The following DNAJC6 variants were observed in gnomAD, a reference collection of about 807,000 sequenced individuals.
The protein encoded by DNAJC6 is DnaJ heat shock protein family (Hsp40) member C6, also known as auxilin.
Under a neutral mutation model 110.0 loss-of-function variants are expected in DNAJC6, and 34 were observed. That is an observed-to-expected ratio of 0.31 (90% CI 0.24 to 0.41). DNAJC6 has a LOEUF of 0.41. Ranked by LOEUF, DNAJC6 falls within the 10% of genes least tolerant of loss-of-function variation. The pLI, the probability that DNAJC6 is intolerant of heterozygous loss-of-function variation, is 1.00. For synonymous variants in DNAJC6, 406 were observed against 437.2 expected (o/e 0.93, Z 0.89); for missense variants, 1,031 against 1,207.8 (o/e 0.85, Z 2.17).
At chr1:65,350,537 A>T (rs907141666) in intron 1 of DNAJC6, among the ~76,000 whole-genome samples, 3 of 152,172 alleles carry the variant, frequency 2.0e-5, no homozygotes, top group Non-Finnish European at 4.4e-5. Flanking sequence ...TTGTATGATA[A>T]ACATTGTGAT....
intron 15 of DNAJC6, among the ~76,000 whole-genome samples, chr1:65,402,499 A>G (rs1367885452): frequency 6.6e-6 from 1 of 151,970 alleles, no homozygotes; most frequent in East Asian, 1.9e-4. Context: ...CACAGTATCC[A>G]GAGTTCTCAA....
At chr1:65,282,970 A>C (rs924695079) in intron 1 of DNAJC6, among the ~76,000 whole-genome samples, 20 of 152,310 alleles carry the variant, frequency 1.3e-4, no homozygotes, top group South Asian at 8.3e-4. Flanking sequence ...GACTTAAGAA[A>C]ACTTTTTATT....
chr1:65,288,891 T>A (rs1254242646), intron 1 of DNAJC6, among the ~76,000 whole-genome samples: 1 of 152,260 alleles, frequency 6.6e-6, no homozygotes, highest in Non-Finnish European at 1.5e-5. Flanking sequence ...GGGAATATAC[T>A]AATTTAGTTT....
At chr1:65,267,338 C>T (rs955247177) in intron 1 of DNAJC6, among the ~76,000 whole-genome samples, 1 of 152,094 alleles carries the variant, frequency 6.6e-6, no homozygotes, top group Non-Finnish European at 1.5e-5. Context: ...GTTTCTTTAT[C>T]GCTAAAATGG....
At chr1:65,407,419 C>T (rs1174463745) in intron 16 of DNAJC6, among the ~76,000 whole-genome samples, 1 of 152,118 alleles carries the variant, frequency 6.6e-6, no homozygotes, top group African/African-American at 2.4e-5. Context: ...TGACACAGAT[C>T]GATGAAGTAA....
At chr1:65,348,536 C>T (rs990959234) in intron 1 of DNAJC6, among the ~76,000 whole-genome samples, 20 of 152,080 alleles carry the variant, frequency 1.3e-4, no homozygotes, top group African/African-American at 4.8e-4. Flanking sequence ...TTCCTTAACT[C>T]TGTAATATTG....
chr1:65,406,138 G>C lies in DNAJC6; in HGVS notation c.2491+5G>C, dbSNP rs1238105650. On this transcript the variant is annotated splice_donor_5th_base_variant and intron_variant, in intron 16 of 18. Transcript: ENST00000371069. The stretch of plus-strand genomic sequence containing the variant: ...GGAAAGGATCAAGTAATTTGGGTAA[G>C]GATAATGGTATGGGACCTAGCTATG... The C allele has an allele frequency of 3.5e-5, 57 of 1,612,252 alleles. No homozygotes were observed. The highest frequency in any genetic ancestry group is 8.3e-5 in the Admixed American group (5 of 59,930).
At chr1:65,307,018 C>CTCTCTA (rs1465563773), upstream of DNAJC6, among the ~76,000 whole-genome samples, 62 of 70,690 alleles carry the variant, frequency 8.8e-4, no homozygotes, top group African/African-American at 2.8e-3. Context: ...CTCTCTCTCT[C>CTCTCTA]TATATATATA....
intron 5 of DNAJC6, 125 bp from the exon 6 acceptor site, chr1:65,384,068 G>T: frequency 8.2e-7 from 1 of 1,214,792 alleles, no homozygotes; most frequent in Admixed American, 3.1e-5. Flanking sequence ...ATTTTTAAAT[G>T]AAAAGCACCC....
chr1:65,385,646 C>CA (rs1394964914), intron 6 of DNAJC6, 66 bp from the exon 7 acceptor site: 1 of 1,344,118 alleles, frequency 7.4e-7, no homozygotes, highest in Non-Finnish European at 9.8e-7. Context: ...ATCTTCATAG[C>CA]AAATATTGAT....
intron 18 of DNAJC6, 100 bp from the exon 19 acceptor site, chr1:65,412,824 C>T: frequency 1.0e-6 from 1 of 1,000,044 alleles, no homozygotes; most frequent in Non-Finnish European, 1.5e-6. Context: ...AATAGAAAAA[C>T]ATTTCCATTG....
At chr1:65,279,133 T>G in intron 1 of DNAJC6, 1 of 985,452 alleles carries the variant, frequency 1.0e-6, no homozygotes, top group Non-Finnish European at 1.2e-6. Context: ...GTATGTTTGA[T>G]CCTCTTTTAA....
At chr1:65,341,197 C>T (rs989930103) in intron 1 of DNAJC6, among the ~76,000 whole-genome samples, 7 of 152,196 alleles carry the variant, frequency 4.6e-5, no homozygotes, top group Non-Finnish European at 1.0e-4. Flanking sequence ...AGACCGATAC[C>T]AGACACCAAA....
At chr1:65,287,137 A>T (rs1360524050) in intron 1 of DNAJC6, among the ~76,000 whole-genome samples, 1 of 152,218 alleles carries the variant, frequency 6.6e-6, no homozygotes, top group Non-Finnish European at 1.5e-5. Context: ...TGAATGAAAG[A>T]ATAGGGTAGA....
At chr1:65,283,902 A>G (rs931003857) in intron 1 of DNAJC6, among the ~76,000 whole-genome samples, 13 of 152,132 alleles carry the variant, frequency 8.5e-5, no homozygotes, top group Admixed American at 7.9e-4. Context: ...CCAAACAAAT[A>G]TGTTAAGTTT....
intron 1 of DNAJC6, among the ~76,000 whole-genome samples, chr1:65,321,460 A>G (rs939728782): frequency 2.0e-5 from 3 of 152,108 alleles, no homozygotes; most frequent in African/African-American, 7.2e-5. Context: ...GCCTCCCAAT[A>G]TACAGGGATT....
intron 1 of DNAJC6, among the ~76,000 whole-genome samples, chr1:65,285,452 C>A (rs905061652): frequency 1.3e-5 from 2 of 152,086 alleles, no homozygotes; most frequent in Admixed American, 6.6e-5. Flanking sequence ...TTCCCTGCAA[C>A]GTTTTATGAA....
chr1:65,341,184 T>G (rs1645386000), intron 1 of DNAJC6, among the ~76,000 whole-genome samples: 1 of 152,188 alleles, frequency 6.6e-6, no homozygotes, highest in African/African-American at 2.4e-5. Context: ...GGTGAAGATG[T>G]GAAGACCGAT....
intron 1 of DNAJC6, among the ~76,000 whole-genome samples, chr1:65,342,101 G>A (rs1050511356): frequency 6.6e-6 from 1 of 152,130 alleles, no homozygotes; most frequent in South Asian, 2.1e-4. Context: ...GGGTTTGACT[G>A]TTTCCTTTTA....
Sources: allele counts gnomAD v4.1 joint callset (sites outside exome capture counted in the v4.1 genomes callset), GRCh38; gene constraint gnomAD v4.1.1; transcripts MANE v1.5; gene names NCBI Gene and HGNC (gene_info 2026-07-23, HGNC 2026-07-21).